SEC23A: variants seen among roughly 807,000 people sequenced by gnomAD.
The protein encoded by SEC23A is SEC23 homolog A, COPII component.
Under a neutral mutation model 103.7 loss-of-function variants are expected in SEC23A, and 56 were observed. The observed-to-expected ratio is 0.54, with a 90% CI of 0.44 to 0.67. The LOEUF (loss-of-function observed/expected upper bound fraction) is 0.67. Ranked by LOEUF, SEC23A falls within the 30% of genes least tolerant of loss-of-function variation. The pLI is 0.00. For missense variants in SEC23A, 784 were observed against 936.4 expected (o/e 0.84, Z 2.12); for synonymous variants, 281 against 293.0 (o/e 0.96, Z 0.42).
intron 13 of SEC23A, among the ~76,000 whole-genome samples, chr14:39,060,134 C>T (rs1406430475): frequency 6.6e-6 from 1 of 151,436 alleles, no homozygotes; most frequent in African/African-American, 2.4e-5. Flanking sequence ...CGTTGAGAGC[C>T]ATAAATAAAC....
intron 12 of SEC23A, among the ~76,000 whole-genome samples, chr14:39,062,621 C>CT (rs2139227307): frequency 6.6e-6 from 1 of 152,018 alleles, no homozygotes; most frequent in East Asian, 1.9e-4. Flanking sequence ...AATAGGAAAA[C>CT]TTTATTCCTG....
chr14:39,053,752 T>C (rs1476140202), intron 14 of SEC23A, among the ~76,000 whole-genome samples: 1 of 152,110 alleles, frequency 6.6e-6, no homozygotes, highest in Non-Finnish European at 1.5e-5. Context: ...CAAATAGAGT[T>C]CTCAAAAGGG....
chr14:39,096,279 C>T (rs1453259537), intron 1 of SEC23A, 140 bp from the exon 2 acceptor site: 1 of 638,710 alleles, frequency 1.6e-6, no homozygotes, highest in East Asian at 2.8e-5. Context: ...GCCGGTAATC[C>T]CAGCACTTTG....
chr14:39,046,601 TA>T (rs1035829883), intron 15 of SEC23A, among the ~76,000 whole-genome samples: 2 of 151,514 alleles, frequency 1.3e-5, no homozygotes, highest in African/African-American at 2.4e-5. Context: ...TACACTGGTT[TA>T]AAAAAAAACA....
intron 11 of SEC23A, among the ~76,000 whole-genome samples, 163 bp from the exon 12 acceptor site, chr14:39,063,576 T>C (rs577437298): frequency 6.6e-6 from 1 of 152,234 alleles, no homozygotes; most frequent in South Asian, 2.1e-4. Context: ...AAGTATATTA[T>C]AAAATAAAGC....
chr14:39,091,406 T>C, intron 5 of SEC23A, 71 bp downstream of exon 5: 2 of 1,128,102 alleles, frequency 1.8e-6, no homozygotes, highest in African/African-American at 1.5e-5. Flanking sequence ...CCTAGAAACA[T>C]ACAGAAGGCA....
intron 3 of SEC23A, 41 bp from the exon 4 acceptor site, chr14:39,092,668 G>A: frequency 8.8e-7 from 1 of 1,142,674 alleles, no homozygotes; most frequent in Non-Finnish European, 1.3e-6. Flanking sequence ...ACAAATTATA[G>A]GCTAGAAAGA....
At chr14:39,039,386 G>A (rs898960699) in intron 18 of SEC23A, 13 of 308,998 alleles carry the variant, frequency 4.2e-5, no homozygotes, top group South Asian at 2.6e-4. Context: ...TGACAAGGTT[G>A]GTGTGAAATT....
chr14:39,042,209 T>G (rs1885671351), intron 17 of SEC23A, among the ~76,000 whole-genome samples: 1 of 152,332 alleles, frequency 6.6e-6, no homozygotes, highest in East Asian at 1.9e-4. Flanking sequence ...ATCTATATCT[T>G]CCAAAGCATC....
chr14:39,084,623 G>A (rs537145582), intron 7 of SEC23A, among the ~76,000 whole-genome samples: 5 of 152,018 alleles, frequency 3.3e-5, no homozygotes, highest in Middle Eastern at 3.4e-3. Flanking sequence ...CTGACACACA[G>A]CTCCTAAAAG....
At chr14:39,090,494 C>A (rs1411139767) in intron 5 of SEC23A, among the ~76,000 whole-genome samples, 1 of 152,072 alleles carries the variant, frequency 6.6e-6, no homozygotes, top group African/African-American at 2.4e-5. Context: ...TTCAATTTGT[C>A]CCAGTGATAA....
chr14:39,097,782 T>C (rs1226859009), intron 1 of SEC23A, among the ~76,000 whole-genome samples: 2 of 152,244 alleles, frequency 1.3e-5, no homozygotes, highest in African/African-American at 4.8e-5. Flanking sequence ...AGACTAAACT[T>C]GTTTAGAAAA....
rs1184446809 is a variant in SEC23A, at chr14:39,032,515, A to G, written c.*724T>C. On this transcript the variant is annotated 3_prime_UTR_variant, in exon 20 of 20. Coordinates refer to ENST00000307712, the MANE Select transcript of SEC23A (RefSeq NM_006364.4). ...AAGGCTTACTAAAATGCACTCCAACAAAACCATTTATTTTCTATCTCCCCT... is the reference window on the plus strand; with the variant it reads ...AAGGCTTACTAAAATGCACTCCAACGAAACCATTTATTTTCTATCTCCCCT... The G allele has an allele frequency of 6.6e-6, 1 of 152,572 alleles. No homozygotes were observed. Among genetic ancestry groups the G allele is most frequent in the Non-Finnish European group, 1.5e-5 (1 of 68,022 alleles). The allele number at this position is 152,572 out of a possible 1,614,324, so 9.5% of individuals were successfully genotyped here.
intron 1 of SEC23A, among the ~76,000 whole-genome samples, chr14:39,099,608 C>T (rs1189516726): frequency 1.3e-5 from 2 of 152,086 alleles, no homozygotes; most frequent in African/African-American, 2.4e-5. Context: ...ATATACATTA[C>T]TCAGTGAAGC....
At chr14:39,075,128 A>G (rs957149014) in intron 8 of SEC23A, among the ~76,000 whole-genome samples, 1 of 152,106 alleles carries the variant, frequency 6.6e-6, no homozygotes, top group Non-Finnish European at 1.5e-5. Flanking sequence ...AAGAAAAACA[A>G]CAGAGAACTC....
intron 11 of SEC23A, 26 bp from the exon 12 acceptor site, chr14:39,063,439 T>C: frequency 7.2e-7 from 1 of 1,388,716 alleles, no homozygotes; most frequent in South Asian, 1.2e-5. Context: ...ATAGCATGTT[T>C]GAAAGCTAGA....
intron 7 of SEC23A, among the ~76,000 whole-genome samples, chr14:39,079,560 C>T (rs1887146088): frequency 1.3e-5 from 2 of 152,162 alleles, no homozygotes; most frequent in Admixed American, 1.3e-4. Context: ...TGGCTCACAC[C>T]TGTAATCCCA....
intron 1 of SEC23A, among the ~76,000 whole-genome samples, chr14:39,097,835 A>C (rs931596388): frequency 3.3e-5 from 5 of 152,188 alleles, no homozygotes; most frequent in African/African-American, 2.4e-5. Flanking sequence ...CTGTAATCCC[A>C]GCACTTTGGG....
At chr14:39,059,278 T>TAAAA (rs750853379) in intron 13 of SEC23A, among the ~76,000 whole-genome samples, 875 of 71,660 alleles carry the variant, frequency 0.012, 61 homozygotes, top group African/African-American at 0.021. Context: ...AGTCCTAGTT[T>TAAAA]AAAAAAAAAA....
Sources: gnomAD v4.1 joint callset for allele counts (sites outside exome capture counted in the v4.1 genomes callset) on GRCh38, gnomAD v4.1.1 for gene constraint, MANE v1.5 for transcripts, NCBI Gene and HGNC (gene_info 2026-07-23, HGNC 2026-07-21) for gene names.